NAV1: variants seen among roughly 807,000 people sequenced by gnomAD.
NAV1 encodes pore membrane and/or filament interacting like protein 3.
Under a neutral mutation model 175.2 loss-of-function variants are expected in NAV1, and 18 were observed. The observed-to-expected ratio is 0.10, with a 90% CI of 0.07 to 0.15. The LOEUF (loss-of-function observed/expected upper bound fraction) is 0.15. Among genes scored for constraint, NAV1 ranks in the 10% least tolerant of loss-of-function variants. NAV1 has a pLI of 1.00. For synonymous variants in NAV1, 897 were observed against 978.7 expected (o/e 0.92, Z 1.56); for missense variants, 1,731 against 2,436.6 (o/e 0.71, Z 6.10).
intron 17 of NAV1, 116 bp downstream of exon 21, chr1:201,804,613 C>G (rs990787094): frequency 2.7e-4 from 258 of 939,880 alleles, no homozygotes; most frequent in Non-Finnish European, 3.7e-4. Flanking sequence ...TGAATGACCA[C>G]TCATAACACT....
chr1:201,596,813 TTTTG>T (rs35430031), intron 2 of NAV1, among the ~76,000 whole-genome samples: 8,638 of 151,516 alleles, frequency 0.057, 587 homozygotes, highest in African/African-American at 0.17. Flanking sequence ...TTTGTTTGTT[TTTTG>T]TTTGTTTGTT....
At chr1:201,699,126 A>G (rs1571892028) in intron 1 of NAV1, among the ~76,000 whole-genome samples, 1 of 152,250 alleles carries the variant, frequency 6.6e-6, no homozygotes, top group Non-Finnish European at 1.5e-5. Flanking sequence ...AGGGTATTCA[A>G]TTAGGAAAAG....
In NAV1 at chr1:201,785,323, C is replaced by A. The variant is rs545961547; in HGVS notation, c.2818C>A (p.Arg940=). 4 of 1,606,916 alleles carry A rather than the reference C, an allele frequency of 2.5e-6. No homozygotes were observed. In the East Asian group the frequency reaches 6.7e-5, roughly 27 times the overall value. The change falls in exon 8 of 30, where the codon CGG becomes AGG. Residue 940 remains arginine, a synonymous_variant. Coordinates refer to ENST00000367296, the Ensembl canonical transcript of NAV1. ...TTATCTCCACAGTAATCAGCGGGAT[C>A]GGAACACTCTTCCCAAGAAAGGGCT... is the stretch of plus-strand genomic sequence containing the variant.
At chr1:201,648,507 C>T in exon 1 of NAV1, 1 of 1,237,986 alleles carries the variant, frequency 8.1e-7, no homozygotes, top group Non-Finnish European at 1.0e-6. Flanking sequence ...TCTCTCCCTC[C>T]TCCCTCGCTC....
intron 1 of NAV1, among the ~76,000 whole-genome samples, chr1:201,586,853 G>A (rs937897235): frequency 3.3e-5 from 5 of 152,114 alleles, no homozygotes; most frequent in African/African-American, 1.2e-4. Flanking sequence ...CACAAATTTG[G>A]AGGGTGTGAG....
chr1:201,688,685 C>T (rs1241133115), intron 1 of NAV1, among the ~76,000 whole-genome samples: 10 of 152,134 alleles, frequency 6.6e-5, no homozygotes, highest in Non-Finnish European at 1.0e-4. Context: ...TGAGAGCCAA[C>T]GTAATTAGTC....
chr1:201,590,318 G>A (rs1487957139), intron 2 of NAV1, among the ~76,000 whole-genome samples: 1 of 152,210 alleles, frequency 6.6e-6, no homozygotes, highest in African/African-American at 2.4e-5. Flanking sequence ...TCTGATCTCA[G>A]CCTATCCCCT....
intron 2 of NAV1, among the ~76,000 whole-genome samples, chr1:201,609,215 G>A (rs1452972415): frequency 1.3e-5 from 2 of 152,218 alleles, no homozygotes; most frequent in East Asian, 1.9e-4. Flanking sequence ...ATTCTGAGCT[G>A]TTGGGGAGAA....
intron 29 of NAV1, 61 bp from the exon 34 acceptor site, chr1:201,819,776 C>G: frequency 6.9e-7 from 1 of 1,457,766 alleles, no homozygotes; most frequent in East Asian, 2.3e-5. Context: ...TGTTGTTTCC[C>G]TTCTGTGGGC....
intron 1 of NAV1, among the ~76,000 whole-genome samples, chr1:201,559,886 T>C (rs1284439205): frequency 6.6e-6 from 1 of 152,192 alleles, no homozygotes; most frequent in African/African-American, 2.4e-5. Context: ...CCTCCTCTCC[T>C]ATGCAGGCAG....
At chr1:201,616,556 C>G (rs1558020496) in intron 2 of NAV1, among the ~76,000 whole-genome samples, 1 of 152,014 alleles carries the variant, frequency 6.6e-6, no homozygotes, top group South Asian at 2.1e-4. Flanking sequence ...AGCGCAATCT[C>G]GGCTCACTGC....
chr1:201,700,203 G>T (rs1245237756), intron 1 of NAV1, among the ~76,000 whole-genome samples: 1 of 152,186 alleles, frequency 6.6e-6, no homozygotes, highest in Non-Finnish European at 1.5e-5. Context: ...CTGACAAAGG[G>T]CTAATATCCA....
In NAV1 at chr1:201,694,792, G is replaced by C. The variant is rs1229497131; in HGVS notation, c.758-18025G>C. On this transcript the variant is annotated intron_variant, in intron 1 of 29. Transcript: ENST00000367296. This position sits in a 1 kb window ranked among gnomAD's most constrained non-coding sequence, Gnocchi z 4.2. ...GAGCCCTGGAGCTGGAGACAGAGAA[G>C]CTGGGTTCTAATCCCAGCCCTGCTG... Among the ~76,000 whole-genome samples, 1 of 152,212 alleles carries C rather than the reference G, an allele frequency of 6.6e-6. No individual in the cohort carries two copies. The highest frequency in any genetic ancestry group is 2.4e-5 in the African/African-American group (1 of 41,464).
At chr1:201,642,650 G>A (rs1418237848) in intron 2 of NAV1, among the ~76,000 whole-genome samples, 2 of 111,008 alleles carry the variant, frequency 1.8e-5, no homozygotes, top group African/African-American at 3.8e-5. Flanking sequence ...TTCCTCCCTC[G>A]CTCCTTCCTT....
At chr1:201,775,506 A>G (rs923606285) in intron 3 of NAV1, among the ~76,000 whole-genome samples, 8 of 152,220 alleles carry the variant, frequency 5.3e-5, no homozygotes, top group Non-Finnish European at 1.0e-4. Flanking sequence ...TCAATAACTT[A>G]TAATGAGTGT....
chr1:201,682,136 A>C (rs1303171623), intron 1 of NAV1, among the ~76,000 whole-genome samples: 1 of 147,406 alleles, frequency 6.8e-6, no homozygotes, highest in African/African-American at 2.6e-5. Context: ...AAAAAAAAAA[A>C]TCAGCCAGGT....
At chr1:201,739,357 C>T (rs902793090) in intron 3 of NAV1, 4 of 152,288 alleles carry the variant, frequency 2.6e-5, no homozygotes, top group African/African-American at 9.7e-5. Context: ...GTAATATGCA[C>T]CCCTATCGGA....
At chr1:201,573,103 A>AT (rs1666594783) in intron 1 of NAV1, among the ~76,000 whole-genome samples, 2 of 152,252 alleles carry the variant, frequency 1.3e-5, no homozygotes, top group Non-Finnish European at 2.9e-5. Context: ...GACAATGTTC[A>AT]TTTGTGTTGA....
chr1:201,570,696 A>G (rs1190292141), intron 1 of NAV1, among the ~76,000 whole-genome samples: 2 of 152,224 alleles, frequency 1.3e-5, no homozygotes, highest in South Asian at 2.1e-4. Flanking sequence ...GGGGAAGCCC[A>G]GCAGGCAGTC....
Sources: gnomAD v4.1 joint callset for allele counts (sites outside exome capture counted in the v4.1 genomes callset) on GRCh38, gnomAD v4.1.1 for gene constraint, Gnocchi (gnomAD v3.1) non-coding constraint, MANE v1.5 for transcripts, NCBI Gene and HGNC (gene_info 2026-07-23, HGNC 2026-07-21) for gene names.